The following UNC5C variants were observed in gnomAD, a reference collection of about 807,000 sequenced individuals.
The protein encoded by UNC5C is netrin receptor UNC5C.
In UNC5C, 47 loss-of-function variants were observed where a neutral mutation model predicts 99.8. That is an observed-to-expected ratio of 0.47 (90% CI 0.37 to 0.60). The LOEUF (loss-of-function observed/expected upper bound fraction) is 0.60. UNC5C is among the 20% of genes least tolerant of loss of function. The pLI, the probability that UNC5C is intolerant of heterozygous loss-of-function variation, is 0.00. For synonymous variants in UNC5C, 487 were observed against 452.2 expected (o/e 1.08, Z -0.98); for missense variants, 1,062 against 1,165.9 (o/e 0.91, Z 1.30).
intron 1 of UNC5C, among the ~76,000 whole-genome samples, chr4:95,456,645 G>T (rs1485869564): frequency 6.6e-6 from 1 of 152,056 alleles, no homozygotes; most frequent in Non-Finnish European, 1.5e-5. Context: ...ATTCAAGGAC[G>T]TAACCAAAAT....
chr4:95,329,628 C>G (rs188240279), intron 2 of UNC5C, among the ~76,000 whole-genome samples: 14 of 152,268 alleles, frequency 9.2e-5, no homozygotes, highest in Admixed American at 8.5e-4. Context: ...GTTATATCAA[C>G]AACTCTGCTC....
In UNC5C at chr4:95,537,682, G is replaced by A. The variant is rs148933074; in HGVS notation, c.124+11052C>T. ...CTCTTTTGGGGGAGATAATATGGGT[G>A]TGTCAAACTTCAATTTCATTTCAGA... On this transcript the variant is annotated intron_variant, in intron 1 of 15. Coordinates refer to ENST00000453304, the MANE Select transcript of UNC5C (RefSeq NM_003728.4). Among the ~76,000 whole-genome samples, 1,150 of 152,268 alleles carry A rather than the reference G, an allele frequency of 7.6e-3. 14 individuals are homozygous for A. The highest frequency in any genetic ancestry group is 0.026 in the African/African-American group (1,093 of 41,550).
At chr4:95,299,475 T>C (rs1741791492) in intron 3 of UNC5C, among the ~76,000 whole-genome samples, 1 of 152,232 alleles carries the variant, frequency 6.6e-6, no homozygotes, top group East Asian at 1.9e-4. Context: ...GAATTTTGCC[T>C]ATCTCACATG....
At chr4:95,399,973 T>C (rs1405143479) in intron 1 of UNC5C, among the ~76,000 whole-genome samples, 1 of 152,234 alleles carries the variant, frequency 6.6e-6, no homozygotes, top group Non-Finnish European at 1.5e-5. Flanking sequence ...AATGCCTTCA[T>C]ATATTCACAG....
chr4:95,306,917 A>T (rs1473678423), intron 2 of UNC5C, among the ~76,000 whole-genome samples: 3 of 152,168 alleles, frequency 2.0e-5, no homozygotes, highest in African/African-American at 7.2e-5. Context: ...AATTAGTGTG[A>T]TCTTTTGGTT....
rs937590185 is a variant in UNC5C at position 95,166,818 on chromosome 4, C to T, written c.*2416G>A. ...CCTTTTAAAAAATGTGTGTGTATAA[C>T]TGCGTGTATATATATTTGATTTTTA... On this transcript the variant is annotated 3_prime_UTR_variant, in exon 16 of 16. Transcript: ENST00000453304. 1.3e-5 allele frequency: 2 copies of T among 152,110 alleles called. No homozygotes were observed. 9.4% of individuals were successfully genotyped at this position (152,110 alleles called of 1,614,324 possible). A position where few individuals can be genotyped will look rare whatever the true frequency, so the allele number is the denominator to read the frequency against.
intron 11 of UNC5C, among the ~76,000 whole-genome samples, chr4:95,206,241 C>T (rs540344336): frequency 4.5e-4 from 68 of 151,900 alleles, no homozygotes; most frequent in East Asian, 3.1e-3. Flanking sequence ...CCTCATGATC[C>T]GCCTGCATTG....
At chr4:95,330,538 A>G (rs935029084) in intron 2 of UNC5C, among the ~76,000 whole-genome samples, 1 of 152,050 alleles carries the variant, frequency 6.6e-6, no homozygotes, top group African/African-American at 2.4e-5. Flanking sequence ...TTTAATTTGA[A>G]TTGGCTGTCT....
intron 11 of UNC5C, among the ~76,000 whole-genome samples, chr4:95,205,114 A>G (rs1469368206): frequency 6.6e-6 from 1 of 152,174 alleles, no homozygotes; most frequent in Non-Finnish European, 1.5e-5. Context: ...GCCAAAGAGT[A>G]ACGATGCCCA....
chr4:95,474,216 G>GT (rs1748060679), intron 1 of UNC5C, among the ~76,000 whole-genome samples: 1 of 152,102 alleles, frequency 6.6e-6, no homozygotes, highest in Admixed American at 6.6e-5. Flanking sequence ...CTGCCACAAA[G>GT]TTGAGATGGA....
chr4:95,536,082 A>T (rs7686698), intron 1 of UNC5C, among the ~76,000 whole-genome samples: 23,484 of 78,202 alleles, frequency 0.3, 2,558 homozygotes, highest in East Asian at 0.46. Context: ...ATATATATAT[A>T]TTTTTTTTTT....
rs372991064 is a variant in UNC5C, at chr4:95,548,832, G to T, written c.26C>A (p.Ala9Glu). 100 of 1,613,036 alleles carry T rather than the reference G, an allele frequency of 6.2e-5. No individual in the cohort carries two copies. The highest frequency in any genetic ancestry group is 1.3e-4 in the Admixed American group (8 of 59,992). Residue 9 changes from alanine to glutamate, a missense_variant, in exon 1 of 16, where the codon GCG (alanine) becomes GAG (glutamate). By Grantham distance (107) the Ala-to-Glu change is moderately radical (BLOSUM62 -1). This residue lies in a region of UNC5C where 249 missense variants were observed against 295.1 expected (regional missense o/e 0.84). Transcript: ENST00000453304. ...TCCCAGTCCCAGTCCGCAGCGGGCC[G>T]CTGTCGCCCGCAGACCTTTCCTCAT... MRKGLRAT[A>E]ARCGLGLGYL...
intron 1 of UNC5C, among the ~76,000 whole-genome samples, chr4:95,469,394 G>T (rs1349073012): frequency 6.6e-6 from 1 of 152,050 alleles, no homozygotes; most frequent in Non-Finnish European, 1.5e-5. Flanking sequence ...GGTTTAGGTT[G>T]TCATACAATG....
In UNC5C at chr4:95,301,666, A is replaced by T; in HGVS notation, c.430T>A (p.Cys144Ser). ...GTACCCGCGGAGCTCCAGGCCACAC[A>T]CTGGCACCAGTAATCTTCAGGTCCA... ...LFGPEDYWCQ[C>S]VAWSSAGTTK... The change falls in exon 3 of 16, where the codon TGT becomes AGT. Residue 144 changes from cysteine to serine, a missense_variant. This residue lies in a region of UNC5C where 249 missense variants were observed against 295.1 expected (regional missense o/e 0.84). Coordinates refer to ENST00000453304, the MANE Select transcript of UNC5C (RefSeq NM_003728.4). 1 of 1,613,820 alleles carries T rather than the reference A, an allele frequency of 6.2e-7. No homozygotes were observed. The highest frequency in any genetic ancestry group is 8.5e-7 in the Non-Finnish European group (1 of 1,180,030).
intron 2 of UNC5C, among the ~76,000 whole-genome samples, chr4:95,317,015 A>G (rs2149411049): frequency 6.6e-6 from 1 of 152,264 alleles, no homozygotes; most frequent in African/African-American, 2.4e-5. Flanking sequence ...AAAAGAAAAA[A>G]AAAAAGCAAA....
chr4:95,297,203 CT>C (rs1741697218), intron 3 of UNC5C, among the ~76,000 whole-genome samples: 1 of 152,168 alleles, frequency 6.6e-6, no homozygotes, highest in African/African-American at 2.4e-5. Context: ...CAATTTCTCC[CT>C]CTGCCCAACC....
At chr4:95,295,981 G>A (rs1039882218) in intron 3 of UNC5C, among the ~76,000 whole-genome samples, 11 of 152,138 alleles carry the variant, frequency 7.2e-5, no homozygotes, top group Non-Finnish European at 1.3e-4. Context: ...AGCTACATGG[G>A]GGGGAGGCTG....
At chr4:95,502,058 G>C (rs1488582419) in intron 1 of UNC5C, among the ~76,000 whole-genome samples, 1 of 152,020 alleles carries the variant, frequency 6.6e-6, no homozygotes, top group Non-Finnish European at 1.5e-5. Context: ...CCCATTAGTT[G>C]AGGAATGTTT....
At chr4:95,308,659 A>G (rs1212381380) in intron 2 of UNC5C, among the ~76,000 whole-genome samples, 1 of 140,376 alleles carries the variant, frequency 7.1e-6, no homozygotes, top group East Asian at 2.4e-4. Context: ...AGGCTGAGGC[A>G]GAGAATTGCT....
Sources: allele counts gnomAD v4.1 joint callset (sites outside exome capture counted in the v4.1 genomes callset), GRCh38; gene constraint gnomAD v4.1.1; regional missense constraint gnomAD v4.1.1; transcripts MANE v1.5; gene names NCBI Gene and HGNC (gene_info 2026-07-23, HGNC 2026-07-21).